Variants in FBXO15 observed in about 807,000 individuals in gnomAD.
The protein encoded by FBXO15 is F-box only protein 15.
Under a neutral mutation model 49.5 loss-of-function variants are expected in FBXO15, and 30 were observed. The ratio of observed to expected loss-of-function variants is 0.61; its 90% CI spans 0.45 to 0.82. The LOEUF (loss-of-function observed/expected upper bound fraction) is 0.82, where lower values mean the gene tolerates loss of function less well. Ranked by LOEUF, FBXO15 falls within the 40% of genes least tolerant of loss-of-function variation. FBXO15 has a pLI of 0.00. For missense variants in FBXO15, 591 were observed against 631.5 expected (o/e 0.94, Z 0.69); for synonymous variants, 250 against 232.7 (o/e 1.07, Z -0.68).
chr18:74,105,609 G>GTT (rs138552161), intron 8 of FBXO15, among the ~76,000 whole-genome samples: 294 of 148,788 alleles, frequency 2.0e-3, no homozygotes, highest in Middle Eastern at 6.8e-3. Flanking sequence ...CCAGCTTATG[G>GTT]TTTTTTTTTT....
chr18:74,147,598 C>T, intron 1 of FBXO15, 72 bp downstream of exon 1: 2 of 1,336,438 alleles, frequency 1.5e-6, no homozygotes, highest in Non-Finnish European at 1.9e-6. Flanking sequence ...ATAAAATACA[C>T]GGTGAAGAGA....
intron 2 of FBXO15, among the ~76,000 whole-genome samples, chr18:74,138,618 C>T (rs1248495774): frequency 1.3e-5 from 2 of 152,102 alleles, no homozygotes; most frequent in African/African-American, 4.8e-5. Context: ...CACCAGGCCT[C>T]ATCCTGAGCC....
At chr18:74,138,315 A>G (rs1485166826) in intron 2 of FBXO15, among the ~76,000 whole-genome samples, 1 of 152,180 alleles carries the variant, frequency 6.6e-6, no homozygotes, top group Non-Finnish European at 1.5e-5. Flanking sequence ...ATGAGCGGCC[A>G]GCCCCTTCCC....
chr18:74,116,998 G>A (rs1943942), intron 8 of FBXO15, among the ~76,000 whole-genome samples: 1 of 152,002 alleles, frequency 6.6e-6, no homozygotes, highest in Non-Finnish European at 1.5e-5. Context: ...AGGGAGAAAG[G>A]CTTTTTTAAA....
chr18:74,117,156 T>C (rs1914267103), intron 8 of FBXO15, among the ~76,000 whole-genome samples: 1 of 152,026 alleles, frequency 6.6e-6, no homozygotes. Flanking sequence ...AAAGACACTC[T>C]GATGGCAACA....
At chr18:74,130,785 C>T (rs758630558) in intron 3 of FBXO15, 127 bp from the exon 4 acceptor site, 1 of 1,035,304 alleles carries the variant, frequency 9.7e-7, no homozygotes, top group African/African-American at 1.6e-5. Context: ...TGAATATTTA[C>T]AGTTGAACGT....
At chr18:74,126,407 T>G (rs752461862) in intron 5 of FBXO15, among the ~76,000 whole-genome samples, 2 of 152,230 alleles carry the variant, frequency 1.3e-5, no homozygotes, top group Non-Finnish European at 2.9e-5. Flanking sequence ...TCCTGTTCTA[T>G]TCCCTCCAAA....
chr18:74,116,014 C>T (rs1459819119), intron 8 of FBXO15, among the ~76,000 whole-genome samples: 1 of 152,162 alleles, frequency 6.6e-6, no homozygotes, highest in African/African-American at 2.4e-5. Flanking sequence ...GGTGATCACA[C>T]AGGTGTTTTC....
At chr18:74,116,532 T>C (rs1914237029) in intron 8 of FBXO15, among the ~76,000 whole-genome samples, 1 of 152,138 alleles carries the variant, frequency 6.6e-6, no homozygotes, top group African/African-American at 2.4e-5. Context: ...TATTAATAAA[T>C]TATGTCATAG....
intron 9 of FBXO15, among the ~76,000 whole-genome samples, chr18:74,079,470 A>C (rs1935946020): frequency 6.7e-6 from 1 of 149,112 alleles, no homozygotes; most frequent in Non-Finnish European, 1.5e-5. Flanking sequence ...GTTATACAAC[A>C]ATGAGAAGGT....
At chr18:74,123,239 C>T in intron 8 of FBXO15, 129 bp downstream of exon 8, 2 of 989,794 alleles carry the variant, frequency 2.0e-6, no homozygotes, top group African/African-American at 1.6e-5. Context: ...ACACACGGGT[C>T]TGGGAGGATA....
chr18:74,140,437 T>A, intron 1 of FBXO15, 125 bp from the exon 2 acceptor site: 2 of 808,078 alleles, frequency 2.5e-6, no homozygotes, highest in Middle Eastern at 2.5e-4. Context: ...ACTTAATTTC[T>A]GCAAAGAAAA....
chr18:74,087,444 T>C (rs995404501), intron 8 of FBXO15, among the ~76,000 whole-genome samples: 9 of 152,208 alleles, frequency 5.9e-5, no homozygotes, highest in African/African-American at 1.9e-4. Context: ...TTTGTGTTCA[T>C]ATGTACTCTA....
intron 1 of FBXO15, 37 bp downstream of exon 1, chr18:74,147,633 C>T: frequency 7.3e-7 from 1 of 1,377,858 alleles, no homozygotes; most frequent in Non-Finnish European, 9.4e-7. Context: ...TGACGGGCTT[C>T]CCGCCAGGGG....
intron 8 of FBXO15, among the ~76,000 whole-genome samples, chr18:74,096,714 T>C (rs967733087): frequency 2.0e-5 from 3 of 150,376 alleles, no homozygotes; most frequent in African/African-American, 7.3e-5. Context: ...GATGGCGATA[T>C]GTGAGCTTTC....
chr18:74,073,680 A>G lies in FBXO15; in HGVS notation c.1314T>C (p.Phe438=). The G allele has an allele frequency of 6.2e-7, 1 of 1,614,166 alleles. No individual in the cohort carries two copies. Among genetic ancestry groups the G allele is most frequent in the East Asian group, 2.2e-5 (1 of 44,874 alleles). Residue 438 remains phenylalanine, a synonymous_variant, in exon 10 of 10, where the codon TTT becomes TTC. Coordinates refer to ENST00000419743, the MANE Select transcript of FBXO15 (RefSeq NM_001142958.2). The part of the protein sequence containing the change: ...VTLLDEHGKP[F]WCFSSPVCLR... Reference sequence around the variant, plus strand: ...GGCACACCGGGGAACTGAAACACCAAAAGGGTTTCCCATGTTCATCCAAAA... The same window carrying G: ...GGCACACCGGGGAACTGAAACACCAGAAGGGTTTCCCATGTTCATCCAAAA...
intron 1 of FBXO15, among the ~76,000 whole-genome samples, chr18:74,145,224 G>C (rs1979330576): frequency 6.6e-6 from 1 of 152,144 alleles, no homozygotes; most frequent in Admixed American, 6.5e-5. Flanking sequence ...CTCTGCACAA[G>C]GTAATGTGTA....
chr18:74,103,638 A>G (rs571905078), intron 8 of FBXO15, among the ~76,000 whole-genome samples: 1 of 152,282 alleles, frequency 6.6e-6, no homozygotes, highest in African/African-American at 2.4e-5. Flanking sequence ...AAAGAAGCAA[A>G]TAACGTAAAA....
intron 8 of FBXO15, among the ~76,000 whole-genome samples, chr18:74,102,179 A>G (rs942667344): frequency 2.6e-5 from 4 of 152,200 alleles, no homozygotes; most frequent in Admixed American, 6.5e-5. Flanking sequence ...GACAACCTAC[A>G]GAGTGGGGGA....
Sources: gnomAD v4.1 joint callset for allele counts (sites outside exome capture counted in the v4.1 genomes callset) on GRCh38, gnomAD v4.1.1 for gene constraint, MANE v1.5 for transcripts, NCBI Gene and HGNC (gene_info 2026-07-23, HGNC 2026-07-21) for gene names.